TET3: variants seen among roughly 807,000 people sequenced by gnomAD.
TET3 encodes the protein tet methylcytosine dioxygenase 3, also known as methylcytosine dioxygenase TET3.
TET3 carries 19 observed loss-of-function variants against 141.4 expected under a neutral mutation model. That is an observed-to-expected ratio of 0.13 (90% confidence interval 0.09 to 0.20). The LOEUF (loss-of-function observed/expected upper bound fraction) is 0.20, where lower values mean the gene tolerates loss of function less well. TET3 is among the 10% of genes least tolerant of loss of function. The pLI is 1.00. For missense variants in TET3, 1,874 were observed against 2,356.9 expected (o/e 0.80, Z 4.24); for synonymous variants, 1,043 against 980.9 (o/e 1.06, Z -1.18).
chr2:74,048,141 C>G lies in TET3; in HGVS notation c.2224C>G (p.Leu742Val). Residue 742 changes from leucine to valine, a missense_variant, in exon 4 of 12, where the codon CTC (leucine) becomes GTC (valine). Leu to Val is a conservative substitution (Grantham distance 32). Transcript: ENST00000409262. Reference sequence around the variant, plus strand: ...GGACCCCGAGAACCAGCAAACATGTCTCCCAGCCCCTGAGAGCCCCTTTGC... The same window carrying G: ...GGACCCCGAGAACCAGCAAACATGTGTCCCAGCCCCTGAGAGCCCCTTTGC... ...IQDPENQQTCLPAPESPFATR... is the reference protein window; with the variant it reads ...IQDPENQQTCVPAPESPFATR... 2 of 1,613,048 alleles carry G rather than the reference C, an allele frequency of 1.2e-6. No homozygotes were observed. The highest frequency in any genetic ancestry group is 1.7e-6 in the Non-Finnish European group (2 of 1,179,466).
At chr2:74,045,059 T>C (rs1180121754) in intron 3 of TET3, among the ~76,000 whole-genome samples, 4 of 152,268 alleles carry the variant, frequency 2.6e-5, no homozygotes, top group Non-Finnish European at 5.9e-5. Context: ...AGGTACTTTC[T>C]AGAACGCCCT....
the TET3 span, among the ~76,000 whole-genome samples, chr2:74,116,702 A>C: frequency 7.2e-5 from 11 of 151,808 alleles, no homozygotes; most frequent in South Asian, 1.0e-3. Flanking sequence ...AAAAAAAAAA[A>C]AAAAACACTG....
chr2:74,074,882 G>T (rs1195405680), intron 5 of TET3, among the ~76,000 whole-genome samples: 1 of 150,880 alleles, frequency 6.6e-6, no homozygotes, highest in African/African-American at 2.4e-5. Context: ...TGTTTTGTTT[G>T]TTTTTTTTTG....
At chr2:74,022,475 G>A (rs1403494183) in intron 3 of TET3, among the ~76,000 whole-genome samples, 2 of 149,870 alleles carry the variant, frequency 1.3e-5, no homozygotes, top group Non-Finnish European at 3.0e-5. Flanking sequence ...TGCCCCGGCT[G>A]GAGGGTTTTT....
At chr2:74,051,926 G>A (rs540267948) in intron 4 of TET3, among the ~76,000 whole-genome samples, 1 of 152,316 alleles carries the variant, frequency 6.6e-6, no homozygotes, top group South Asian at 2.1e-4. Context: ...GAAGAGATTT[G>A]CTCTGAAACA....
At chr2:74,054,114 A>G (rs1307413426) in intron 4 of TET3, among the ~76,000 whole-genome samples, 1 of 152,144 alleles carries the variant, frequency 6.6e-6, no homozygotes, top group Non-Finnish European at 1.5e-5. Context: ...ACATGGGGAA[A>G]TACAGGTCAT....
At chr2:74,058,204 C>G (rs1429044019) in intron 4 of TET3, among the ~76,000 whole-genome samples, 1 of 152,158 alleles carries the variant, frequency 6.6e-6, no homozygotes, top group Non-Finnish European at 1.5e-5. Context: ...GAGGCATGGT[C>G]TTGAAAGTTC....
Position 74,105,553 on chromosome 2 carries a change from C to T in TET3, c.*3377C>T, listed in dbSNP as rs1048845469. The stretch of plus-strand genomic sequence containing the variant: ...AGCAGGGCCAATGTTTCCCACACCC[C>T]GGCTTCATGGGTACTGCTTTGCCTT... On this transcript the variant is annotated 3_prime_UTR_variant, in exon 12 of 12. Transcript: ENST00000409262. 2.5e-5 allele frequency: 10 copies of T among 397,724 alleles called. No homozygotes were observed. The highest frequency in any genetic ancestry group is 4.1e-5 in the African/African-American group (2 of 48,576). 24.6% of individuals were successfully genotyped at this position (397,724 alleles called of 1,614,324 possible).
intron 4 of TET3, among the ~76,000 whole-genome samples, chr2:74,066,535 C>T (rs1688912633): frequency 6.6e-6 from 1 of 152,104 alleles, no homozygotes; most frequent in Admixed American, 6.5e-5. Context: ...ACTTTGTTGT[C>T]AGATTTCTTC....
chr2:74,066,077 A>T (rs547000137), intron 4 of TET3, among the ~76,000 whole-genome samples: 15 of 152,126 alleles, frequency 9.9e-5, no homozygotes, highest in Non-Finnish European at 2.2e-4. Context: ...CTTTTAAGGG[A>T]TAATGGTGTT....
At chr2:74,085,535 T>A (rs1231951652) in intron 6 of TET3, among the ~76,000 whole-genome samples, 1 of 152,206 alleles carries the variant, frequency 6.6e-6, no homozygotes, top group Non-Finnish European at 1.5e-5. Flanking sequence ...AAGGCAGTGG[T>A]CCCTAACTTT....
chr2:74,111,856 G>A (rs1691712657), downstream of TET3, among the ~76,000 whole-genome samples: 1 of 152,060 alleles, frequency 6.6e-6, no homozygotes, highest in African/African-American at 2.4e-5. Flanking sequence ...CAAACCCAAG[G>A]GACATTGTCC....
At chr2:73,999,811 G>A (rs1684758023) in intron 2 of TET3, among the ~76,000 whole-genome samples, 1 of 152,186 alleles carries the variant, frequency 6.6e-6, no homozygotes, top group Non-Finnish European at 1.5e-5. Flanking sequence ...CATACCGGCT[G>A]GAGGCAGAGT....
intron 3 of TET3, among the ~76,000 whole-genome samples, chr2:74,006,603 C>G (rs780170039): frequency 6.6e-6 from 1 of 152,198 alleles, no homozygotes; most frequent in Non-Finnish European, 1.5e-5. Flanking sequence ...ATGGAGGTTT[C>G]TGCTAGAAAT....
intron 7 of TET3, 138 bp from the exon 8 acceptor site, chr2:74,089,759 G>A (rs1232561812): frequency 6.1e-6 from 7 of 1,149,196 alleles, no homozygotes; most frequent in Non-Finnish European, 7.4e-6. Context: ...AGGGGTTGGG[G>A]GTGGGGAAGG....
the TET3 span, among the ~76,000 whole-genome samples, chr2:74,128,963 G>C: frequency 4.7e-5 from 6 of 126,682 alleles, no homozygotes; most frequent in African/African-American, 1.8e-4. Flanking sequence ...CTGCACTTCA[G>C]ACTGGTTGAC....
chr2:73,985,597 C>A (rs1333930416), intron 1 of TET3, among the ~76,000 whole-genome samples: 4 of 151,146 alleles, frequency 2.6e-5, no homozygotes. Flanking sequence ...GGGGCAGTCC[C>A]GCCGAGCGAG....
intron 1 of TET3, 78 bp downstream of exon 1, chr2:73,985,235 G>C (rs984052992): frequency 1.4e-5 from 2 of 144,790 alleles, no homozygotes; most frequent in Non-Finnish European, 3.1e-5. Context: ...GCCCGGGGGA[G>C]GGGGAGGGGA....
intron 3 of TET3, among the ~76,000 whole-genome samples, chr2:74,019,589 C>A (rs1389537215): frequency 6.6e-6 from 1 of 152,154 alleles, no homozygotes; most frequent in Non-Finnish European, 1.5e-5. Flanking sequence ...TGGCACAAAG[C>A]CTAGCATGCG....
Sources: allele counts gnomAD v4.1 joint callset (sites outside exome capture counted in the v4.1 genomes callset), GRCh38; gene constraint gnomAD v4.1.1; transcripts MANE v1.5; gene names NCBI Gene and HGNC (gene_info 2026-07-23, HGNC 2026-07-21).